SCAI: variants seen among roughly 807,000 people sequenced by gnomAD.
The protein encoded by SCAI is protein SCAI.
Under a neutral mutation model 92.2 loss-of-function variants are expected in SCAI, and 24 were observed. That is an observed-to-expected ratio of 0.26 (90% CI 0.19 to 0.37). The LOEUF is 0.37. Ranked by LOEUF, SCAI falls within the 10% of genes least tolerant of loss-of-function variation. The pLI is 1.00. For missense variants in SCAI, 450 were observed against 736.2 expected, an observed-to-expected ratio of 0.61 and a Z score of 4.50; for synonymous variants, 261 against 258.6, an observed-to-expected ratio of 1.01 and a Z score of -0.09.
At chr9:124,977,299 G>C (rs1271328321) in intron 14 of SCAI, among the ~76,000 whole-genome samples, 1 of 152,054 alleles carries the variant, frequency 6.6e-6, no homozygotes, top group South Asian at 2.1e-4. Flanking sequence ...TAATTCTAAA[G>C]TTCATATGGA....
At chr9:125,058,813 A>G (rs1198461438) in intron 2 of SCAI, among the ~76,000 whole-genome samples, 2 of 152,228 alleles carry the variant, frequency 1.3e-5, no homozygotes, top group South Asian at 2.1e-4. Flanking sequence ...TCAATCTGGA[A>G]TATCTTGTGG....
chr9:124,999,837 A>G, intron 13 of SCAI, 54 bp downstream of exon 13: 1 of 901,916 alleles, frequency 1.1e-6, no homozygotes, highest in Non-Finnish European at 1.7e-6. Context: ...TATTTTTTCT[A>G]TTTATAGACA....
chr9:124,988,362 T>A (rs1440855993), intron 14 of SCAI, among the ~76,000 whole-genome samples: 1 of 151,650 alleles, frequency 6.6e-6, no homozygotes, highest in African/African-American at 2.4e-5. Context: ...AAGTCTCTAA[T>A]GAGAAAGACA....
At chr9:124,991,971 C>A (rs1270380781) in intron 14 of SCAI, among the ~76,000 whole-genome samples, 1 of 152,212 alleles carries the variant, frequency 6.6e-6, no homozygotes, top group Non-Finnish European at 1.5e-5. Context: ...GGCTGGAATG[C>A]AGTGGCACGA....
At position 125,029,394 on chromosome 9, in the gene SCAI, T is replaced by TGG. The variant is rs565390237; in HGVS notation, c.326+249_326+250insCC. Among the ~76,000 whole-genome samples the TGG allele has an allele frequency of 2.2e-4, 33 of 152,296 alleles. No homozygotes were observed. The East Asian group carries it at 5.4e-3, about 25-fold the overall frequency. On this transcript the variant is annotated intron_variant, in intron 4 of 17. Coordinates refer to ENST00000336505, the MANE Select transcript of SCAI (RefSeq NM_001144877.3). ...ACCTTGGCCTCCCAAAGTGCTGGGA[T>TGG]TACAGGCATGAGCCACCATGCCTGG... is the stretch of plus-strand genomic sequence containing the variant.
At chr9:125,129,109 G>A (rs896553320) in intron 2 of SCAI, among the ~76,000 whole-genome samples, 1 of 151,556 alleles carries the variant, frequency 6.6e-6, no homozygotes, top group African/African-American at 2.4e-5. Context: ...GTCAGTAAGG[G>A]AAATGTCTCT....
chr9:125,117,157 C>G (rs545713404), intron 2 of SCAI, among the ~76,000 whole-genome samples: 2 of 152,164 alleles, frequency 1.3e-5, no homozygotes, highest in East Asian at 3.9e-4. Context: ...TGTCTGTTAT[C>G]CAATGAAGTA....
chr9:124,962,170 T>G (rs13299276), intron 17 of SCAI, among the ~76,000 whole-genome samples: 14,399 of 83,038 alleles, frequency 0.17, 1,508 homozygotes, highest in East Asian at 0.27. Context: ...TTTTTTTTTT[T>G]GCGGGGGGGG....
At chr9:125,135,542 A>G (rs576110252) in intron 2 of SCAI, among the ~76,000 whole-genome samples, 1 of 152,328 alleles carries the variant, frequency 6.6e-6, no homozygotes, top group Admixed American at 6.5e-5. Context: ...AATCTCAGGT[A>G]TTCAGGAGGC....
chr9:125,060,260 A>G (rs1343375662), intron 2 of SCAI, among the ~76,000 whole-genome samples: 1 of 147,052 alleles, frequency 6.8e-6, no homozygotes, highest in Admixed American at 6.7e-5. Context: ...AAGGCTTAGT[A>G]TGAAAAAAAA....
At chr9:124,973,642 C>A (rs1831701150) in intron 15 of SCAI, among the ~76,000 whole-genome samples, 1 of 152,050 alleles carries the variant, frequency 6.6e-6, no homozygotes, top group African/African-American at 2.4e-5. Flanking sequence ...ACCAGCCTGG[C>A]CAACATTTTT....
chr9:125,128,514 G>C (rs551490307), intron 2 of SCAI, among the ~76,000 whole-genome samples: 13 of 152,192 alleles, frequency 8.5e-5, no homozygotes, highest in African/African-American at 2.4e-4. Context: ...AGCACTTTGG[G>C]AGTCCGAGGC....
Position 125,082,812 on chromosome 9 carries a change from T to C in SCAI, c.99-26805A>G, listed in dbSNP as rs554370218. On this transcript the variant is annotated intron_variant, in intron 2 of 17. Coordinates refer to ENST00000336505, the MANE Select transcript of SCAI (RefSeq NM_001144877.3). ...CTCCCATTTTGAATGGCTGTATTTA[T>C]CCAATGCTTGTACCCCCACTGTACC... is the stretch of plus-strand genomic sequence containing the variant. Among the ~76,000 whole-genome samples, 164 of 152,362 alleles carry C rather than the reference T, an allele frequency of 1.1e-3. 3 individuals are homozygous for C. The highest frequency in any genetic ancestry group is 6.6e-3 in the South Asian group (32 of 4,826).
Position 124,945,711 on chromosome 9 carries a change from C to T in SCAI, c.*7096G>A, listed in dbSNP as rs1831135326. On this transcript the variant is annotated 3_prime_UTR_variant, in exon 18 of 18. Coordinates refer to ENST00000336505, the MANE Select transcript of SCAI (RefSeq NM_001144877.3). ...ATATCACCCTACATCATCCTGACAC[C>T]CTTCCCGTCAATAGGTGATTGATTC... The T allele has an allele frequency of 6.6e-6, 1 of 152,062 alleles. No homozygotes were observed. The highest frequency in any genetic ancestry group is 2.1e-4 in the South Asian group (1 of 4,828). The allele number at this position is 152,062 out of a possible 1,614,324, so 9.4% of individuals were successfully genotyped here.
At chr9:124,956,334 T>C (rs1207406591) in intron 17 of SCAI, among the ~76,000 whole-genome samples, 1 of 152,188 alleles carries the variant, frequency 6.6e-6, no homozygotes, top group Non-Finnish European at 1.5e-5. Flanking sequence ...TTTTCCTGCC[T>C]CAGCCACCCT....
At chr9:125,134,204 G>T (rs1190744327) in intron 2 of SCAI, among the ~76,000 whole-genome samples, 2 of 152,084 alleles carry the variant, frequency 1.3e-5, no homozygotes, top group Non-Finnish European at 2.9e-5. Context: ...AACCTTCAGG[G>T]CTTAGATAAA....
intron 2 of SCAI, among the ~76,000 whole-genome samples, chr9:125,111,639 C>T (rs1834931060): frequency 6.6e-6 from 1 of 151,780 alleles, no homozygotes; most frequent in Non-Finnish European, 1.5e-5. Flanking sequence ...GTTCTTCTTC[C>T]AGTGTGGCCC....
chr9:124,959,727 T>A (rs111786591), intron 17 of SCAI, among the ~76,000 whole-genome samples: 35 of 112,894 alleles, frequency 3.1e-4, no homozygotes, highest in African/African-American at 1.1e-3. Context: ...GATGTTCCCC[T>A]TCCTGTGTCC....
chr9:125,018,600 T>C (rs1564380715), intron 9 of SCAI, among the ~76,000 whole-genome samples, 199 bp downstream of exon 9: 11 of 152,172 alleles, frequency 7.2e-5, no homozygotes, highest in Admixed American at 7.2e-4. Flanking sequence ...GTATCACGAG[T>C]ATCTTTCTAT....
Sources: gnomAD v4.1 joint callset for allele counts (sites outside exome capture counted in the v4.1 genomes callset) on GRCh38, gnomAD v4.1.1 for gene constraint, MANE v1.5 for transcripts, NCBI Gene and HGNC (gene_info 2026-07-23, HGNC 2026-07-21) for gene names.